The following ARB2A variants were observed in gnomAD, a reference collection of about 807,000 sequenced individuals.
The protein encoded by ARB2A is cotranscriptional regulator ARB2A.
the ARB2A span, among the ~76,000 whole-genome samples, chr5:94,076,329 A>C: frequency 1.3e-5 from 2 of 152,180 alleles, no homozygotes; most frequent in Non-Finnish European, 2.9e-5. Flanking sequence ...ACTTAGCATA[A>C]GTGACTCTTA....
chr5:93,890,319 A>G, the ARB2A span, among the ~76,000 whole-genome samples: 1 of 151,746 alleles, frequency 6.6e-6, no homozygotes, highest in Admixed American at 6.6e-5. Context: ...TAAACATCAA[A>G]TACATTATTT....
the ARB2A span, among the ~76,000 whole-genome samples, chr5:94,007,575 C>T: frequency 1.3e-5 from 2 of 152,080 alleles, no homozygotes; most frequent in African/African-American, 4.8e-5. Context: ...GAGTTCGAGA[C>T]CAGCCTTGCC....
chr5:93,950,709 C>A, the ARB2A span, among the ~76,000 whole-genome samples: 109 of 151,008 alleles, frequency 7.2e-4, no homozygotes, highest in African/African-American at 2.6e-3. Flanking sequence ...CTTTGGGAGG[C>A]CAAGGTGGAC....
chr5:93,679,474 C>T, the ARB2A span, among the ~76,000 whole-genome samples: 1 of 152,014 alleles, frequency 6.6e-6, no homozygotes, highest in Non-Finnish European at 1.5e-5. Flanking sequence ...AAATGATATA[C>T]TTCAAATTGA....
At chr5:94,051,085 T>C in the ARB2A span, among the ~76,000 whole-genome samples, 2 of 152,150 alleles carry the variant, frequency 1.3e-5, no homozygotes, top group Non-Finnish European at 2.9e-5. Flanking sequence ...TAACAATATT[T>C]TAAGGCCTAA....
chr5:93,777,090 G>A, the ARB2A span, among the ~76,000 whole-genome samples: 11 of 149,128 alleles, frequency 7.4e-5, no homozygotes, highest in Non-Finnish European at 4.4e-5. Context: ...CTTTAATGAA[G>A]GCTGTATCAA....
the ARB2A span, among the ~76,000 whole-genome samples, chr5:93,680,989 C>A: frequency 6.6e-6 from 1 of 152,056 alleles, no homozygotes; most frequent in Non-Finnish European, 1.5e-5. Flanking sequence ...AATAGGTACA[C>A]AATGAACAAA....
At chr5:93,854,877 A>C in the ARB2A span, among the ~76,000 whole-genome samples, 5 of 152,162 alleles carry the variant, frequency 3.3e-5, no homozygotes, top group Non-Finnish European at 7.4e-5. Context: ...TTTACTTCCA[A>C]CTATGTGGTC....
the ARB2A span, among the ~76,000 whole-genome samples, chr5:93,984,201 T>C: frequency 6.6e-6 from 1 of 152,080 alleles, no homozygotes; most frequent in Non-Finnish European, 1.5e-5. Context: ...CAGAAAAAGA[T>C]TAAGTAATAT....
chr5:94,036,647 G>C, the ARB2A span, among the ~76,000 whole-genome samples: 1 of 152,132 alleles, frequency 6.6e-6, no homozygotes, highest in African/African-American at 2.4e-5. Context: ...CATTTGTAAG[G>C]GGGGTTTGGT....
At chr5:93,890,760 G>C in the ARB2A span, among the ~76,000 whole-genome samples, 2 of 152,016 alleles carry the variant, frequency 1.3e-5, no homozygotes, top group African/African-American at 4.8e-5. Flanking sequence ...GAAATGTCAA[G>C]AATGTGAAGA....
At chr5:93,846,399 G>C in the ARB2A span, among the ~76,000 whole-genome samples, 1 of 152,000 alleles carries the variant, frequency 6.6e-6, no homozygotes, top group Non-Finnish European at 1.5e-5. Context: ...CTCACTGGGA[G>C]GCTGAGGTGG....
the ARB2A span, among the ~76,000 whole-genome samples, chr5:93,760,502 T>C: frequency 1.3e-5 from 2 of 152,218 alleles, no homozygotes; most frequent in African/African-American, 4.8e-5. Context: ...TTTCAAACTA[T>C]AGTATAAGGT....
the ARB2A span, among the ~76,000 whole-genome samples, chr5:93,946,818 T>C: frequency 6.6e-6 from 1 of 152,188 alleles, no homozygotes; most frequent in Non-Finnish European, 1.5e-5. Context: ...TGTACATTTA[T>C]TTTCATTTAT....
the ARB2A span, among the ~76,000 whole-genome samples, chr5:93,832,152 T>C: frequency 2.0e-5 from 3 of 152,108 alleles, no homozygotes; most frequent in Admixed American, 6.5e-5. Context: ...GCAGCAGTCC[T>C]TGTGGCAACC....
the ARB2A span, among the ~76,000 whole-genome samples, chr5:93,877,800 G>C: frequency 6.6e-6 from 1 of 152,074 alleles, no homozygotes; most frequent in South Asian, 2.1e-4. Flanking sequence ...GTTGTAAGTG[G>C]ATAGAATTTT....
chr5:93,800,381 T>TCACACACACACACACACA, the ARB2A span, among the ~76,000 whole-genome samples: 7 of 140,960 alleles, frequency 5.0e-5, no homozygotes, highest in African/African-American at 1.9e-4. Context: ...CTGCATATTT[T>TCACACACACACACACACA]CACACACACA....
chr5:93,692,084 A>G, the ARB2A span, among the ~76,000 whole-genome samples: 2 of 152,236 alleles, frequency 1.3e-5, no homozygotes, highest in Non-Finnish European at 2.9e-5. Context: ...CCAAATTGTA[A>G]AGACCATCGA....
At chr5:93,760,124 C>A in the ARB2A span, among the ~76,000 whole-genome samples, 1 of 152,138 alleles carries the variant, frequency 6.6e-6, no homozygotes, top group African/African-American at 2.4e-5. Context: ...AGAATCAAAT[C>A]AAGAACTCAA....
Sources: gnomAD v4.1 joint callset for allele counts (sites outside exome capture counted in the v4.1 genomes callset) on GRCh38, gnomAD v4.1.1 for gene constraint, MANE v1.5 for transcripts, NCBI Gene and HGNC (gene_info 2026-07-23, HGNC 2026-07-21) for gene names.